SLC28A3: variants seen among roughly 807,000 people sequenced by gnomAD.
The protein encoded by SLC28A3 is solute carrier family 28 member 3, also known as concentrative Na(+)-nucleoside cotransporter 3.
Under a neutral mutation model 84.2 loss-of-function variants are expected in SLC28A3, and 68 were observed. The observed-to-expected ratio is 0.81, with a 90% CI of 0.66 to 0.99. The LOEUF (loss-of-function observed/expected upper bound fraction) is 0.99. Among genes scored for constraint, SLC28A3 ranks in the 50% least tolerant of loss-of-function variants. SLC28A3 has a pLI of 0.00. For missense variants in SLC28A3, 712 were observed against 841.5 expected (o/e 0.85, Z 1.90); for synonymous variants, 267 against 303.6 (o/e 0.88, Z 1.25).
chr9:84,341,722 T>G (rs28478493), upstream of SLC28A3, among the ~76,000 whole-genome samples: 8,210 of 152,244 alleles, frequency 0.054, 451 homozygotes, highest in East Asian at 0.17. Context: ...TAGAAGTGCT[T>G]TGTTTTCATA....
chr9:84,323,898 C>T (rs1202221545), intron 1 of SLC28A3, among the ~76,000 whole-genome samples: 2 of 152,154 alleles, frequency 1.3e-5, no homozygotes, highest in African/African-American at 2.4e-5. Flanking sequence ...ACTGATCTCT[C>T]GCCAAGGTCT....
At chr9:84,355,699 GAGGATCTAACGAGAATAC>G in the SLC28A3 span, among the ~76,000 whole-genome samples, 4 of 152,132 alleles carry the variant, frequency 2.6e-5, no homozygotes, top group Non-Finnish European at 5.9e-5. Context: ...AGGGTTTTGT[GAGGATCTAACGAGAATAC>G]TTGTGCAATT....
intron 12 of SLC28A3, 28 bp downstream of exon 12, chr9:84,288,020 A>G: frequency 3.7e-6 from 6 of 1,613,184 alleles, no homozygotes; most frequent in Non-Finnish European, 5.1e-6. Flanking sequence ...TTGGGTAGTC[A>G]TTAATTAGGT....
intron 11 of SLC28A3, among the ~76,000 whole-genome samples, chr9:84,288,769 A>G (rs1825097711): frequency 6.6e-6 from 1 of 151,150 alleles, no homozygotes; most frequent in South Asian, 2.1e-4. Flanking sequence ...CTGGTCTTGA[A>G]CTCCCAACCT....
intron 12 of SLC28A3, among the ~76,000 whole-genome samples, chr9:84,287,386 G>GT (rs35792928): frequency 0.094 from 14,111 of 150,280 alleles, 696 homozygotes; most frequent in African/African-American, 0.12. Flanking sequence ...TTTCCACTCT[G>GT]TTTTTTTTTC....
At position 84,278,182 on chromosome 9, in the gene SLC28A3, C is replaced by T; in HGVS notation, c.*36G>A. The T allele has an allele frequency of 1.3e-6, 2 of 1,590,698 alleles. No homozygotes were observed. The highest frequency in any genetic ancestry group is 1.7e-6 in the Non-Finnish European group (2 of 1,167,060). On this transcript the variant is annotated 3_prime_UTR_variant, in exon 18 of 18. Coordinates refer to ENST00000376238, the MANE Select transcript of SLC28A3 (RefSeq NM_001199633.2). ...CTTTCCAAAGCAGAAAATTCAGCAT[C>T]TGTACTTCAGAGTTCCACTGGAGAA...
intron 17 of SLC28A3, 70 bp from the exon 18 acceptor site, chr9:84,278,414 A>G: frequency 6.3e-7 from 1 of 1,591,294 alleles, no homozygotes; most frequent in South Asian, 1.1e-5. Context: ...GCAGACAATG[A>G]CATTAAAAAT....
At position 84,276,336 on chromosome 9, in the gene SLC28A3, T is replaced by C. The variant is rs547929171; in HGVS notation, c.*1882A>G. On this transcript the variant is annotated 3_prime_UTR_variant, in exon 18 of 18. Transcript: ENST00000376238. ...AATATATTAAAATTAATTTTACTTG[T>C]TTTTTAGCGTGGCTACTAGATCTTA... 2.7e-5 allele frequency: 4 copies of C among 150,412 alleles called. No homozygotes were observed. In the East Asian group the frequency reaches 5.8e-4, roughly 22 times the overall value. The allele number at this position is 150,412 out of a possible 1,614,324, so 9.3% of individuals were successfully genotyped here.
chr9:84,366,959 T>C, the SLC28A3 span, among the ~76,000 whole-genome samples: 1 of 152,196 alleles, frequency 6.6e-6, no homozygotes, highest in Non-Finnish European at 1.5e-5. Flanking sequence ...GTCAGGCCTG[T>C]GTCCTTCCCT....
At chr9:84,364,952 A>C in the SLC28A3 span, among the ~76,000 whole-genome samples, 4 of 152,192 alleles carry the variant, frequency 2.6e-5, no homozygotes, top group Non-Finnish European at 5.9e-5. Flanking sequence ...TCCAAATCTT[A>C]GCTATTGTGA....
intron 1 of SLC28A3, among the ~76,000 whole-genome samples, chr9:84,319,363 G>A (rs1018783915): frequency 9.2e-5 from 14 of 152,176 alleles, no homozygotes; most frequent in African/African-American, 3.4e-4. Flanking sequence ...AGAGCTGGGG[G>A]CTAGTTAAAA....
the SLC28A3 span, among the ~76,000 whole-genome samples, chr9:84,359,304 T>C: frequency 6.6e-6 from 1 of 152,240 alleles, no homozygotes; most frequent in Non-Finnish European, 1.5e-5. Context: ...ACTTGTGTGA[T>C]CTAAGATTTC....
the SLC28A3 span, among the ~76,000 whole-genome samples, chr9:84,348,433 C>T: frequency 1.3e-5 from 2 of 151,996 alleles, no homozygotes; most frequent in African/African-American, 2.4e-5. Flanking sequence ...TCACTAGCTG[C>T]AAGCTTGGGC....
intron 14 of SLC28A3, among the ~76,000 whole-genome samples, chr9:84,283,781 G>A (rs761715618): frequency 5.3e-5 from 8 of 152,202 alleles, no homozygotes; most frequent in Admixed American, 3.9e-4. Flanking sequence ...CTGGGGTTTT[G>A]CCTCACGGAC....
At chr9:84,294,456 G>A (rs558790413) in intron 8 of SLC28A3, among the ~76,000 whole-genome samples, 181 bp from the exon 9 acceptor site, 1 of 152,274 alleles carries the variant, frequency 6.6e-6, no homozygotes, top group Non-Finnish European at 1.5e-5. Context: ...ATTTGTCACA[G>A]GACTTTGACT....
the SLC28A3 span, among the ~76,000 whole-genome samples, chr9:84,358,864 G>A: frequency 2.0e-5 from 3 of 152,158 alleles, no homozygotes. Context: ...GTGCAGTGGT[G>A]CAATCTCAGC....
At chr9:84,348,562 C>T in the SLC28A3 span, among the ~76,000 whole-genome samples, 43 of 152,282 alleles carry the variant, frequency 2.8e-4, no homozygotes, top group Non-Finnish European at 5.7e-4. Context: ...GAGTGTCTAG[C>T]ATCATGTAGT....
intron 5 of SLC28A3, among the ~76,000 whole-genome samples, chr9:84,301,220 G>A (rs1009558825): frequency 1.3e-5 from 2 of 151,684 alleles, no homozygotes; most frequent in Admixed American, 6.6e-5. Flanking sequence ...GGGTATGGCG[G>A]TACATGGGAG....
At chr9:84,291,113 A>G (rs1347100169) in intron 10 of SLC28A3, among the ~76,000 whole-genome samples, 1 of 152,128 alleles carries the variant, frequency 6.6e-6, no homozygotes, top group Non-Finnish European at 1.5e-5. Flanking sequence ...TATTATCTCT[A>G]ATTGTTCTGT....
Sources: gnomAD v4.1 joint callset for allele counts (sites outside exome capture counted in the v4.1 genomes callset) on GRCh38, gnomAD v4.1.1 for gene constraint, MANE v1.5 for transcripts, NCBI Gene and HGNC (gene_info 2026-07-23, HGNC 2026-07-21) for gene names.